The following CCDC66 variants were observed in gnomAD, a reference collection of about 807,000 sequenced individuals.
The protein encoded by CCDC66 is coiled-coil domain-containing protein 66.
A neutral mutation model predicts 128.3 loss-of-function variants in CCDC66; 133 were observed. The observed-to-expected ratio is 1.04, with a 90% confidence interval of 0.90 to 1.20. CCDC66 has a LOEUF of 1.20. Ranked by LOEUF, CCDC66 falls within the 50% of genes most tolerant of loss-of-function variation. The pLI, the probability that CCDC66 is intolerant of heterozygous loss-of-function variation, is 0.00. For missense variants in CCDC66, 1,126 were observed against 1,075.5 expected (o/e 1.05, Z -0.66); for synonymous variants, 387 against 357.0 (o/e 1.08, Z -0.95).
At chr3:56,605,437 AC>A (rs1355066572) in intron 10 of CCDC66, among the ~76,000 whole-genome samples, 1 of 151,894 alleles carries the variant, frequency 6.6e-6, no homozygotes, top group Non-Finnish European at 1.5e-5. Flanking sequence ...GATCTTGGTG[AC>A]CTTTGGATGG....
rs374237029 is a variant in CCDC66 at position 56,619,509 on chromosome 3, C to G, written c.2617C>G (p.Gln873Glu). Reference protein sequence around the residue: ...PLSGPSTQDPQYQNSQDCGQK... With the variant: ...PLSGPSTQDPEYQNSQDCGQK... The stretch of plus-strand genomic sequence containing the variant: ...GTCTGGGCCTTCAACCCAGGACCCT[C>G]AGTACCAAAATTCACAAGGTAAGTA... The change falls in exon 16 of 18, where the codon CAG becomes GAG. Residue 873 changes from glutamine (Q) to glutamate (E), a missense_variant. Transcript: ENST00000394672. 6 of 1,609,138 alleles carry G rather than the reference C, an allele frequency of 3.7e-6. No homozygotes were observed. Among genetic ancestry groups the G allele is most frequent in the Non-Finnish European group, 5.1e-6 (6 of 1,178,360 alleles).
intron 7 of CCDC66, among the ~76,000 whole-genome samples, chr3:56,576,789 C>G (rs1158961672): frequency 6.6e-6 from 1 of 151,320 alleles, no homozygotes; most frequent in East Asian, 2.0e-4. Flanking sequence ...CATAGTATTC[C>G]ATGGTGTATG....
chr3:56,579,528 C>T (rs548930961), intron 7 of CCDC66, among the ~76,000 whole-genome samples: 1 of 151,920 alleles, frequency 6.6e-6, no homozygotes, highest in Admixed American at 6.6e-5. Flanking sequence ...ATCTTTCCTG[C>T]TTTCTCTTGT....
intron 11 of CCDC66, 57 bp from the exon 12 acceptor site, chr3:56,615,071 A>G (rs567510457): frequency 7.8e-5 from 121 of 1,561,222 alleles, no homozygotes; most frequent in Admixed American, 2.1e-4. Flanking sequence ...CTGAGAGGAA[A>G]TAGTCAAGTC....
chr3:56,580,153 C>G (rs2068082374), intron 7 of CCDC66, among the ~76,000 whole-genome samples: 1 of 151,786 alleles, frequency 6.6e-6, no homozygotes, highest in South Asian at 2.1e-4. Context: ...GATCCCTTTA[C>G]CAGTATGTAA....
chr3:56,604,835 G>T (rs932689685), intron 10 of CCDC66, among the ~76,000 whole-genome samples: 2 of 152,016 alleles, frequency 1.3e-5, no homozygotes, highest in African/African-American at 2.4e-5. Context: ...GGTTGGGGAA[G>T]TTCTCCTGGA....
At chr3:56,592,857 A>G (rs1350144801) in intron 7 of CCDC66, 113 bp from the exon 8 acceptor site, 1 of 1,032,468 alleles carries the variant, frequency 9.7e-7, no homozygotes, top group Non-Finnish European at 1.4e-6. Context: ...CTCCTCTTAC[A>G]GATAAATGCC....
chr3:56,568,856 T>G (rs1016127352), intron 6 of CCDC66, among the ~76,000 whole-genome samples: 3 of 152,238 alleles, frequency 2.0e-5, no homozygotes, highest in African/African-American at 7.2e-5. Flanking sequence ...CGTTAGTGAC[T>G]AAGAAATATC....
chr3:56,566,820 C>T (rs1403502500), intron 5 of CCDC66, 61 bp downstream of exon 5: 9 of 1,537,394 alleles, frequency 5.9e-6, no homozygotes, highest in African/African-American at 1.4e-5. Flanking sequence ...TTTGCTTTTC[C>T]TTTACTTGCA....
intron 7 of CCDC66, among the ~76,000 whole-genome samples, chr3:56,592,138 T>A (rs761095119): frequency 2.0e-5 from 3 of 152,218 alleles, no homozygotes; most frequent in Non-Finnish European, 4.4e-5. Flanking sequence ...CATCATAGGC[T>A]GTGATAGAGC....
At chr3:56,605,977 G>A (rs1465567112) in intron 10 of CCDC66, among the ~76,000 whole-genome samples, 1 of 152,062 alleles carries the variant, frequency 6.6e-6, no homozygotes, top group Admixed American at 6.5e-5. Context: ...GTCCAAAGAG[G>A]AGGAATCTAG....
At chr3:56,574,782 A>G (rs1030161489) in intron 7 of CCDC66, among the ~76,000 whole-genome samples, 2 of 151,978 alleles carry the variant, frequency 1.3e-5, no homozygotes, top group South Asian at 2.1e-4. Context: ...CCTGGGTTCA[A>G]GTGATTCTCC....
In CCDC66 at chr3:56,557,594, G is replaced by A. The variant is rs2064497010; in HGVS notation, c.11+341G>A. The A allele has an allele frequency of 2.3e-5, 8 of 352,678 alleles. No individual in the cohort carries two copies. In the South Asian group the frequency reaches 3.9e-4, roughly 17 times the overall value. 21.8% of individuals were successfully genotyped at this position (352,678 alleles called of 1,614,324 possible). Reference sequence around the variant, plus strand: ...TAGAGGAAGCGTGGCGGCTCCTGGGGAGGACTCCTGGCCCATGCCCCGGGT... The same window carrying A: ...TAGAGGAAGCGTGGCGGCTCCTGGGAAGGACTCCTGGCCCATGCCCCGGGT... On this transcript the variant is annotated intron_variant, in intron 1 of 17. Coordinates refer to ENST00000394672, the MANE Select transcript of CCDC66 (RefSeq NM_001141947.3).
intron 7 of CCDC66, 86 bp downstream of exon 7, chr3:56,571,388 G>A (rs201318501): frequency 1.1e-3 from 595 of 537,518 alleles, no homozygotes; most frequent in East Asian, 2.0e-3. Context: ...AAAAAAAAAA[G>A]TTTTTTTTTT....
intron 10 of CCDC66, among the ~76,000 whole-genome samples, chr3:56,603,132 G>GC (rs1559731495): frequency 6.6e-6 from 1 of 151,760 alleles, no homozygotes; most frequent in African/African-American, 2.4e-5. Flanking sequence ...ACGGCACCCG[G>GC]CCCCCTTTAT....
chr3:56,617,610 A>T lies in CCDC66; in HGVS notation c.2337+5A>T, dbSNP rs770933883. On this transcript the variant is annotated splice_donor_5th_base_variant and intron_variant, in intron 14 of 17. Coordinates refer to ENST00000394672, the MANE Select transcript of CCDC66 (RefSeq NM_001141947.3). ...AGGTGGCATCTAGTCAAAAAGGTAA[A>T]GCTCTTCCATCTTAGATGATGTGTT... The T allele has an allele frequency of 6.3e-7, 1 of 1,587,254 alleles. No homozygotes were observed. The highest frequency in any genetic ancestry group is 8.5e-7 in the Non-Finnish European group (1 of 1,171,634).
intron 8 of CCDC66, among the ~76,000 whole-genome samples, 181 bp downstream of exon 8, chr3:56,593,282 T>G (rs2071265279): frequency 6.6e-6 from 1 of 152,220 alleles, no homozygotes; most frequent in African/African-American, 2.4e-5. Context: ...CTTACAACTT[T>G]TTAGAAATTT....
intron 10 of CCDC66, among the ~76,000 whole-genome samples, chr3:56,601,345 T>G (rs113856553): frequency 6.6e-6 from 1 of 152,068 alleles, no homozygotes; most frequent in East Asian, 1.9e-4. Context: ...TCTGTTTTGG[T>G]ACCAGTACCA....
rs752802875 is a variant in CCDC66, at chr3:56,615,990, A to C, written c.1780A>C (p.Ser594Arg). Residue 594 changes from serine (S) to arginine (R), a missense_variant, in exon 13 of 18, where the codon AGT becomes CGT. Physicochemically the swap from Ser to Arg is moderately radical, Grantham distance 110 (BLOSUM62 -1). Coordinates refer to ENST00000394672, the MANE Select transcript of CCDC66 (RefSeq NM_001141947.3). Reference sequence around the variant, plus strand: ...TTCAAGACATGATTCTGATGAAATCAGTGGTAAAATGAATACATATATGAA... The same window carrying C: ...TTCAAGACATGATTCTGATGAAATCCGTGGTAAAATGAATACATATATGAA... ...SNSRHDSDEI[S>R]GKMNTYMNST... 1.9e-6 allele frequency: 3 copies of C among 1,596,028 alleles called. No individual in the cohort carries two copies. In the African/African-American group the frequency reaches 4.1e-5, roughly 22 times the overall value.
Sources: gnomAD v4.1 joint callset for allele counts (sites outside exome capture counted in the v4.1 genomes callset) on GRCh38, gnomAD v4.1.1 for gene constraint, MANE v1.5 for transcripts, NCBI Gene and HGNC (gene_info 2026-07-23, HGNC 2026-07-21) for gene names.